SLC19A1: variants seen among roughly 807,000 people sequenced by gnomAD.
The protein encoded by SLC19A1 is solute carrier family 19 member 1.
In SLC19A1, 37 loss-of-function variants were observed where a neutral mutation model predicts 35.3. That is an observed-to-expected ratio of 1.05 (90% CI 0.81 to 1.38). SLC19A1 has a LOEUF of 1.38. Ranked by LOEUF, SLC19A1 falls within the 40% of genes most tolerant of loss-of-function variation. The pLI is 0.00. For missense variants in SLC19A1, 831 were observed against 826.9 expected (o/e 1.00, Z -0.06); for synonymous variants, 460 against 398.5 (o/e 1.15, Z -1.84).
rs751304390 is a variant in SLC19A1, at chr21:45,516,007, G to A, written c.1427C>T (p.Ala476Val). 33 of 1,571,612 alleles carry A rather than the reference G, an allele frequency of 2.1e-5. No homozygotes were observed. Among genetic ancestry groups the A allele is most frequent in the Middle Eastern group, 1.7e-4 (1 of 6,018 alleles). The change falls in exon 6 of 6, where the codon GCG becomes GTG. Residue 476 changes from alanine (A) to valine (V), a missense_variant. Coordinates refer to ENST00000311124, the MANE Select transcript of SLC19A1 (RefSeq NM_194255.4). ...QPPAQGLRSA[A>V]EEKAAQALSV... ...CAGTGCCTGTGCTGCCTTCTCCTCC[G>A]CGGCACTCCTCAGGCCCTGGGCCGG...
downstream of SLC19A1, chr21:45,512,394 A>G (rs1479716288): frequency 6.2e-7 from 1 of 1,612,270 alleles, no homozygotes; most frequent in Non-Finnish European, 8.5e-7. Flanking sequence ...ACTGCCTCCA[A>G]GTAGCCACCG....
chr21:45,538,598 G>A (rs1448509552), intron 1 of SLC19A1, among the ~76,000 whole-genome samples: 2 of 152,214 alleles, frequency 1.3e-5, no homozygotes, highest in African/African-American at 2.4e-5. Flanking sequence ...AGGAGGGCGT[G>A]CAGGCCAAGC....
chr21:45,525,665 G>T, intron 5 of SLC19A1, 152 bp downstream of exon 5: 1 of 775,738 alleles, frequency 1.3e-6, no homozygotes, highest in Non-Finnish European at 2.0e-6. Flanking sequence ...TCCTGCTCTC[G>T]CTGGCCTGGT....
At chr21:45,503,585 A>T in intron 3 of SLC19A1, among the ~76,000 whole-genome samples, 1 of 139,974 alleles carries the variant, frequency 7.1e-6, no homozygotes, top group Middle Eastern at 3.4e-3. Flanking sequence ...GAACTGAACA[A>T]TGAGATCACA....
intron 2 of SLC19A1, among the ~76,000 whole-genome samples, chr21:45,535,396 G>GC (rs2078073707): frequency 6.6e-6 from 1 of 152,244 alleles, no homozygotes; most frequent in South Asian, 2.1e-4. Context: ...AATCCCAAGG[G>GC]CACGGGGTCC....
At chr21:45,503,764 T>C (rs1238479511) in intron 3 of SLC19A1, among the ~76,000 whole-genome samples, 1 of 151,898 alleles carries the variant, frequency 6.6e-6, no homozygotes, top group South Asian at 2.1e-4. Flanking sequence ...CATGCACATG[T>C]ACCCTAAAAC....
In SLC19A1 at chr21:45,531,400, G is replaced by A. The variant is rs1462923602; in HGVS notation, c.938C>T (p.Ser313Phe). ...CAGGGCATGCGTACCCAGCAGCGTG[G>A]AGGCAGCATCTGCCGCGCCGTTGTA... The part of the protein sequence containing the change: ...RVYNGAADAA[S>F]TLLGAITSFA... The change falls in exon 3 of 6, where the codon TCC becomes TTC. Residue 313 changes from serine to phenylalanine, a missense_variant. Physicochemically the swap from Ser to Phe is radical, Grantham distance 155. Transcript: ENST00000311124. The A allele has an allele frequency of 1.3e-6, 2 of 1,583,552 alleles. No individual in the cohort carries two copies. The highest frequency in any genetic ancestry group is 3.5e-5 in the Admixed American group (2 of 57,670).
At chr21:45,505,689 A>G (rs568974522) in intron 3 of SLC19A1, 8 of 710,862 alleles carry the variant, frequency 1.1e-5, no homozygotes, top group Non-Finnish European at 1.9e-5. Context: ...AGGGGTCCCC[A>G]TGGTGCTCAT....
At chr21:45,543,529 T>C (rs2078373842), upstream of SLC19A1, among the ~76,000 whole-genome samples, 2 of 152,162 alleles carry the variant, frequency 1.3e-5, no homozygotes, top group African/African-American at 4.8e-5. Flanking sequence ...TGCCTCCTGG[T>C]GTTGCGGGGG....
At position 45,514,886 on chromosome 21, in the gene SLC19A1, T is replaced by A; in HGVS notation, c.*772A>T. 4 of 1,055,378 alleles carry A rather than the reference T, an allele frequency of 3.8e-6. No individual in the cohort carries two copies. Among genetic ancestry groups the A allele is most frequent in the Non-Finnish European group, 5.2e-6 (4 of 763,874 alleles). The allele number at this position is 1,055,378 out of a possible 1,614,324, so 65.4% of individuals were successfully genotyped here. ...CAAGGCTGCCCAGCCCAGGCAAGCCTGGCACATACCAAGGCCAGCACGTCC... is the reference window on the plus strand; with the variant it reads ...CAAGGCTGCCCAGCCCAGGCAAGCCAGGCACATACCAAGGCCAGCACGTCC... On this transcript the variant is annotated 3_prime_UTR_variant, in exon 6 of 6. Coordinates refer to ENST00000311124, the MANE Select transcript of SLC19A1 (RefSeq NM_194255.4).
intron 3 of SLC19A1, chr21:45,506,454 CTCCTCAGACACACCTGGG>C (rs2037209687): frequency 1.5e-5 from 4 of 271,152 alleles, no homozygotes; most frequent in African/African-American, 8.8e-5. Context: ...ACCAGCCTGG[CTCCTCAGACACACCTGGG>C]ATTGCCCCTT....
intron 5 of SLC19A1, among the ~76,000 whole-genome samples, chr21:45,520,233 A>G (rs1027406648): frequency 1.3e-5 from 2 of 152,164 alleles, no homozygotes; most frequent in Non-Finnish European, 2.9e-5. Flanking sequence ...AGAAAAGAGG[A>G]AAAGTCTCAA....
chr21:45,551,300 T>C (rs1369725509), intron 1 of SLC19A1, among the ~76,000 whole-genome samples: 2 of 152,162 alleles, frequency 1.3e-5, no homozygotes, highest in Non-Finnish European at 2.9e-5. Flanking sequence ...AATTAATTAA[T>C]TTCTGCTTTT....
At chr21:45,554,870 C>T (rs1336386386) in intron 1 of SLC19A1, among the ~76,000 whole-genome samples, 2 of 151,950 alleles carry the variant, frequency 1.3e-5, no homozygotes, top group Non-Finnish European at 2.9e-5. Context: ...TGAGTCCCAG[C>T]AGCGGGCCCT....
intron 2 of SLC19A1, among the ~76,000 whole-genome samples, chr21:45,535,180 C>T (rs888275134): frequency 2.0e-5 from 3 of 152,188 alleles, no homozygotes; most frequent in African/African-American, 4.8e-5. Context: ...GGGGGGTCTC[C>T]CTGGAGGAGG....
In SLC19A1 at chr21:45,533,898, G is replaced by A. The variant is rs1238308829; in HGVS notation, c.190-1750C>T. Among the ~76,000 whole-genome samples, 31 of 152,044 alleles carry A rather than the reference G, an allele frequency of 2.0e-4. No homozygotes were observed. On this transcript the variant is annotated intron_variant, in intron 2 of 5. Coordinates refer to ENST00000311124, the MANE Select transcript of SLC19A1 (RefSeq NM_194255.4). The surrounding 1 kb of genome is among the most constrained non-coding windows in gnomAD (Gnocchi z 4.5). Reference sequence around the variant, plus strand: ...GCTACTGTGAACAGCTGGGCAATAGGACCCTGCAGCCAGGCCGGCATGCTG... The same window carrying A: ...GCTACTGTGAACAGCTGGGCAATAGAACCCTGCAGCCAGGCCGGCATGCTG...
rs144745561 is a variant in SLC19A1 at position 45,521,716 on chromosome 21, A to C, written c.1293+4101T>G. ...AAAACCCAGAAACAGACTCACATAA[A>C]TATGCCCAACTTTTGACAAAGGTGC... On this transcript the variant is annotated intron_variant, in intron 5 of 5. Coordinates refer to ENST00000311124, the MANE Select transcript of SLC19A1 (RefSeq NM_194255.4). 2.8e-3 allele frequency among the ~76,000 whole-genome samples: 429 copies of C among 152,366 alleles called. 2 individuals are homozygous for C. Among genetic ancestry groups the C allele is most frequent in the African/African-American group, 9.6e-3 (398 of 41,590 alleles).
At chr21:45,554,677 T>C (rs2078524617) in intron 1 of SLC19A1, among the ~76,000 whole-genome samples, 1 of 148,760 alleles carries the variant, frequency 6.7e-6, no homozygotes, top group East Asian at 2.1e-4. Context: ...CCTGTGTGCG[T>C]CTCCACATTT....
chr21:45,559,862 T>C (rs2838959), intron 1 of SLC19A1, among the ~76,000 whole-genome samples: 64,878 of 152,100 alleles, frequency 0.43, 14,330 homozygotes, highest in African/African-American at 0.55. Flanking sequence ...GATTTATTTT[T>C]ACTGTGACAT....
Sources: allele counts gnomAD v4.1 joint callset (sites outside exome capture counted in the v4.1 genomes callset), GRCh38; gene constraint gnomAD v4.1.1; non-coding constraint Gnocchi (gnomAD v3.1); transcripts MANE v1.5; gene names NCBI Gene and HGNC (gene_info 2026-07-23, HGNC 2026-07-21).